LRP2: variants seen among roughly 807,000 people sequenced by gnomAD.
LRP2 encodes the protein LDL receptor related protein 2, also known as low-density lipoprotein receptor-related protein 2.
Under a neutral mutation model 531.0 loss-of-function variants are expected in LRP2, and 172 were observed. The observed-to-expected ratio is 0.32, with a 90% CI of 0.29 to 0.37. The LOEUF (loss-of-function observed/expected upper bound fraction) is 0.37, where lower values mean the gene tolerates loss of function less well. Among genes scored for constraint, LRP2 ranks in the 10% least tolerant of loss-of-function variants. The pLI is 1.00. For missense variants in LRP2, 5,167 were observed against 5,868.3 expected (o/e 0.88, Z 3.90); for synonymous variants, 1,992 against 2,027.6 (o/e 0.98, Z 0.47).
intron 62 of LRP2, 73 bp from the exon 63 acceptor site, chr2:169,162,673 A>G: frequency 6.7e-7 from 1 of 1,488,728 alleles, no homozygotes; most frequent in East Asian, 2.3e-5. Context: ...TTTGACAGAG[A>G]CAGTTTGTGC....
chr2:169,288,718 C>T (rs1683922044), intron 9 of LRP2, among the ~76,000 whole-genome samples: 1 of 152,154 alleles, frequency 6.6e-6, no homozygotes, highest in East Asian at 1.9e-4. Flanking sequence ...ATGGCTGCAC[C>T]AATCCTGATG....
At position 169,206,102 on chromosome 2, in the gene LRP2, T is replaced by C. The variant is rs747741100; in HGVS notation, c.7477A>G (p.Met2493Val). The C allele has an allele frequency of 1.6e-5, 26 of 1,614,242 alleles. No individual in the cohort carries two copies. Among genetic ancestry groups the C allele is most frequent in the Non-Finnish European group, 2.1e-5 (25 of 1,180,040 alleles). The change falls in exon 40 of 79, where the codon ATG becomes GTG. Residue 2493 changes from methionine to valine, a missense_variant. Coordinates refer to ENST00000649046, the MANE Select transcript of LRP2 (RefSeq NM_004525.3). ...SDYLNQMINS[M>V]AEDGSNRTVI... ...GTGCGGTTAGACCCATCTTCAGCCA[T>C]GGAATTAATCATCTGGTTGAGGTAG...
At chr2:169,224,875 A>G (rs984174657) in intron 33 of LRP2, among the ~76,000 whole-genome samples, 1 of 152,136 alleles carries the variant, frequency 6.6e-6, no homozygotes, top group Non-Finnish European at 1.5e-5. Flanking sequence ...GGATCACTTG[A>G]GGTCAGGTGT....
At chr2:169,344,490 C>A (rs1685646340) in intron 1 of LRP2, among the ~76,000 whole-genome samples, 1 of 152,100 alleles carries the variant, frequency 6.6e-6, no homozygotes, top group African/African-American at 2.4e-5. Context: ...AAAGTAACAA[C>A]ATTTTAGTTG....
chr2:169,350,713 G>A (rs1213827121), intron 1 of LRP2, among the ~76,000 whole-genome samples: 2 of 100,314 alleles, frequency 2.0e-5, no homozygotes, highest in African/African-American at 8.3e-5. Flanking sequence ...GACAGAGCGA[G>A]ACTCCATCGC....
intron 28 of LRP2, among the ~76,000 whole-genome samples, 162 bp downstream of exon 28, chr2:169,236,941 A>G (rs1462095514): frequency 6.6e-6 from 1 of 152,214 alleles, no homozygotes; most frequent in Non-Finnish European, 1.5e-5. Flanking sequence ...ATTCAGATGA[A>G]GGAGAGATAG....
At chr2:169,274,714 T>C (rs1202837580) in intron 14 of LRP2, among the ~76,000 whole-genome samples, 2 of 152,150 alleles carry the variant, frequency 1.3e-5, no homozygotes, top group African/African-American at 2.4e-5. Context: ...TCTTTCCCAG[T>C]AGAATGAGGA....
In LRP2 at chr2:169,213,974, C is replaced by T. The variant is rs1688687153; in HGVS notation, c.5827-104G>A. On this transcript the variant is annotated intron_variant, in intron 35 of 78. Transcript: ENST00000649046. Reference sequence around the variant, plus strand: ...TTATAATGTCTCACATTTATACAGCCCTCTATCCCTTACAGAGATTTTTCA... The same window carrying T: ...TTATAATGTCTCACATTTATACAGCTCTCTATCCCTTACAGAGATTTTTCA... 24 of 781,816 alleles carry T rather than the reference C, an allele frequency of 3.1e-5. No individual in the cohort carries two copies. The South Asian group carries it at 3.4e-4, about 11-fold the overall frequency. The allele number at this position is 781,816 out of a possible 1,614,324, so 48.4% of individuals were successfully genotyped here.
At position 169,290,945 on chromosome 2, in the gene LRP2, T is replaced by C. The variant is rs1683983331; in HGVS notation, c.822A>G (p.Pro274=). The change falls in exon 8 of 79, where the codon CCA becomes CCG. Residue 274 remains proline, a synonymous_variant. Transcript: ENST00000649046. ...HKCSPREWSC[P]ESGRCISIYK... ...AAATGGAGATGCATCGTCCCGACTC[T>C]GGGCAAGACCATTCTCTTGGGGAAC... The C allele has an allele frequency of 1.2e-6, 2 of 1,614,066 alleles. No individual in the cohort carries two copies. The highest frequency in any genetic ancestry group is 1.3e-5 in the African/African-American group (1 of 74,924).
chr2:169,247,024 A>AT, intron 20 of LRP2, 38 bp from the exon 21 acceptor site: 1 of 1,610,014 alleles, frequency 6.2e-7, no homozygotes, highest in Non-Finnish European at 8.5e-7. Flanking sequence ...AGTCATGTAC[A>AT]TTTTCACTAG....
In LRP2 at chr2:169,284,256, C is replaced by CTCTTTTTTTTTTTTTTTTTTTTTTTTTTT. The variant is rs1553508684; in HGVS notation, c.1043-1256_1043-1255insAAAAAAAAAAAAAAAAAAAAAAAAAAAGA. ...CTTTTCTTTTCTTTTTCTTTTTTTT[C>CTCTTTTTTTTTTTTTTTTTTTTTTTTTTT]TTTTTTTTTTTTTTTTTTTTTTTTT... is the stretch of plus-strand genomic sequence containing the variant. On this transcript the variant is annotated intron_variant, in intron 9 of 78. Coordinates refer to ENST00000649046, the MANE Select transcript of LRP2 (RefSeq NM_004525.3). Among the ~76,000 whole-genome samples the CTCTTTTTTTTTTTTTTTTTTTTTTTTTTT allele has an allele frequency of 1.2e-4, 12 of 96,668 alleles. 1 individual carries two copies. The highest frequency in any genetic ancestry group is 1.9e-4 in the Non-Finnish European group (10 of 51,788). The allele number at this position is 96,668 out of a possible 152,430, so 63.4% of individuals were successfully genotyped here. A position where few individuals can be genotyped will look rare whatever the true frequency, so the allele number is the denominator to read the frequency against.
At chr2:169,151,078 AC>A in intron 67 of LRP2, 52 bp from the exon 68 acceptor site, 1 of 1,601,244 alleles carries the variant, frequency 6.2e-7, no homozygotes, top group Non-Finnish European at 8.6e-7. Context: ...AGTAATCATT[AC>A]TGGGTAAGAG....
At position 169,233,437 on chromosome 2, in the gene LRP2, G is replaced by A. The variant is rs145365776; in HGVS notation, c.5072C>T (p.Ala1691Val). 1.5e-4 allele frequency: 244 copies of A among 1,614,026 alleles called. No individual in the cohort carries two copies. The highest frequency in any genetic ancestry group is 2.8e-4 in the Admixed American group (17 of 59,996). Residue 1691 changes from alanine (A) to valine (V), a missense_variant, in exon 30 of 79, where the codon GCG becomes GTG. Around this residue, in one of 6 missense-constraint regions of LRP2, gnomAD observed 2,811 missense variants for 3,058.0 expected, o/e 0.92. Transcript: ENST00000649046. ...ATTTGGTTGTTTCGAAGGATGAACC[G>A]CAACAATCCCAAGGGGCCATTGAAT... ...YNIQWPLGIV[A>V]VHPSKQPNSV...
intron 1 of LRP2, among the ~76,000 whole-genome samples, chr2:169,360,112 G>A (rs932498628): frequency 5.7e-5 from 7 of 122,500 alleles, no homozygotes; most frequent in Admixed American, 3.7e-4. Context: ...GTGACAGAGC[G>A]AGATTCTGTC....
intron 68 of LRP2, 116 bp downstream of exon 68, chr2:169,150,782 A>C (rs1488090316): frequency 7.2e-5 from 96 of 1,325,102 alleles, no homozygotes; most frequent in Admixed American, 1.1e-4. Context: ...CGCTACTCCC[A>C]AAAACTTGAA....
intron 3 of LRP2, among the ~76,000 whole-genome samples, chr2:169,316,102 A>G (rs891289723): frequency 6.6e-6 from 1 of 151,264 alleles, no homozygotes; most frequent in Non-Finnish European, 1.5e-5. Context: ...TGATTGCACC[A>G]CTGCATTCCA....
intron 34 of LRP2, among the ~76,000 whole-genome samples, chr2:169,220,113 T>C (rs1235449533): frequency 1.3e-5 from 2 of 152,170 alleles, no homozygotes; most frequent in Non-Finnish European, 2.9e-5. Context: ...CTATTGCAAA[T>C]GTTACATAAT....
At chr2:169,213,244 T>A (rs558672037) in intron 36 of LRP2, among the ~76,000 whole-genome samples, 4 of 152,306 alleles carry the variant, frequency 2.6e-5, no homozygotes, top group African/African-American at 9.6e-5. Flanking sequence ...ATCCAACTCA[T>A]ATGCCCTGAG....
intron 1 of LRP2, among the ~76,000 whole-genome samples, chr2:169,328,084 G>A (rs1432528949): frequency 7.4e-6 from 1 of 135,186 alleles, no homozygotes; most frequent in Admixed American, 7.2e-5. Flanking sequence ...CCCCCGCCCA[G>A]CCAGCCGCCC....
Sources: gnomAD v4.1 joint callset for allele counts (sites outside exome capture counted in the v4.1 genomes callset) on GRCh38, gnomAD v4.1.1 for gene constraint, gnomAD v4.1.1 regional missense constraint, MANE v1.5 for transcripts, NCBI Gene and HGNC (gene_info 2026-07-23, HGNC 2026-07-21) for gene names.